Variants in FGF13 observed in about 807,000 individuals in gnomAD.
FGF13 encodes the protein fibroblast growth factor homologous factor 2.
A neutral mutation model predicts 19.5 loss-of-function variants in FGF13; 2 were observed. That is an observed-to-expected ratio of 0.10 (90% CI 0.04 to 0.32). The LOEUF (loss-of-function observed/expected upper bound fraction) is 0.32, where lower values mean the gene tolerates loss of function less well. Ranked by LOEUF, FGF13 falls within the 10% of genes least tolerant of loss-of-function variation. The probability of loss-of-function intolerance (pLI) is 1.00; values close to 1 mark genes in which losing one functional copy is unlikely to be tolerated. For missense variants in FGF13, 113 were observed against 192.7 expected (o/e 0.59, Z 2.45); for synonymous variants, 72 against 76.9 (o/e 0.94, Z 0.33).
rs550001786 is a variant in FGF13 at position 139,159,655 on chromosome X, C to CAAAAAAA, written c.-113+43754_-113+43760dup. Among the ~76,000 whole-genome samples the CAAAAAAA allele has an allele frequency of 7.6e-3, 392 of 51,608 alleles. 11 individuals are homozygous for CAAAAAAA. The highest frequency in any genetic ancestry group is 0.026 in the African/African-American group (346 of 13,249). The allele number at this position is 51,608 out of a possible 115,157, so 44.8% of individuals were successfully genotyped here. A position where few individuals can be genotyped will look rare whatever the true frequency, so the allele number is the denominator to read the frequency against. ...GAATATTTACCAAGCAAAGAGAAAG[C>CAAAAAAA]AAAAAAAAAAAAAAAAACAGTGTGG... On this transcript the variant is annotated intron_variant, in intron 1 of 2. Coordinates refer to the FGF13 transcript ENST00000421460.
intron 3 of FGF13, among the ~76,000 whole-genome samples, chrX:138,667,272 T>G (rs58774860): frequency 0.12 from 13,056 of 105,817 alleles, 620 homozygotes; most frequent in Middle Eastern, 0.18. Context: ...TGTATATATA[T>G]AGAGAGAGAG....
At chrX:138,777,635 C>A (rs1028179366) in intron 3 of FGF13, among the ~76,000 whole-genome samples, 1 of 111,883 alleles carries the variant, frequency 8.9e-6, no homozygotes, top group African/African-American at 3.3e-5. Context: ...CCTCAGGCAG[C>A]ACAAGCAAGG....
At chrX:138,858,122 C>T (rs1055269972) in intron 2 of FGF13, among the ~76,000 whole-genome samples, 4 of 111,862 alleles carry the variant, frequency 3.6e-5, no homozygotes, top group African/African-American at 1.3e-4. Flanking sequence ...TACTTCCAAG[C>T]AGTATACACG....
chrX:139,162,228 C>G (rs1391049856), intron 1 of FGF13, among the ~76,000 whole-genome samples: 2 of 111,775 alleles, frequency 1.8e-5, no homozygotes, highest in Non-Finnish European at 3.8e-5. Context: ...AGAACACAGC[C>G]TCAGAAATAA....
intron 3 of FGF13, among the ~76,000 whole-genome samples, chrX:138,772,897 C>G (rs1462795873): frequency 1.8e-5 from 2 of 110,572 alleles, no homozygotes; most frequent in African/African-American, 3.3e-5. Flanking sequence ...TTCATTGAGT[C>G]TTGCTGGCAT....
At chrX:138,653,384 TGAA>T (rs1381261446) in intron 3 of FGF13, among the ~76,000 whole-genome samples, 1 of 111,179 alleles carries the variant, frequency 9.0e-6, no homozygotes, top group Non-Finnish European at 1.9e-5. Context: ...GGAAGCATAG[TGAA>T]GGAGAAAGAA....
intron 1 of FGF13, among the ~76,000 whole-genome samples, chrX:139,068,584 C>T (rs1348295170): frequency 1.8e-5 from 2 of 110,475 alleles, no homozygotes; most frequent in Non-Finnish European, 3.8e-5. Flanking sequence ...GGCAGTATGG[C>T]CATTTTCACG....
chrX:139,128,839 T>A (rs2083737825), intron 1 of FGF13, among the ~76,000 whole-genome samples: 1 of 111,382 alleles, frequency 9.0e-6, no homozygotes, highest in African/African-American at 3.3e-5. Context: ...TAATGGAAAC[T>A]AGTAAATAAT....
intron 1 of FGF13, among the ~76,000 whole-genome samples, chrX:139,110,324 T>C (rs1446857102): frequency 9.1e-6 from 1 of 110,242 alleles, no homozygotes; most frequent in Non-Finnish European, 1.9e-5. Context: ...CACCCAAATG[T>C]CATCTTGAAT....
At position 138,632,296 on chromosome X, in the gene FGF13, A is replaced by G. The variant is rs1017371411; in HGVS notation, c.*554T>C. 18 of 112,351 alleles carry G rather than the reference A, an allele frequency of 1.6e-4. No homozygotes were observed. Among genetic ancestry groups the G allele is most frequent in the African/African-American group, 5.2e-4 (16 of 30,938 alleles). The allele number at this position is 112,351 out of a possible 1,213,427, so 9.3% of individuals were successfully genotyped here. On this transcript the variant is annotated 3_prime_UTR_variant, in exon 5 of 5. Transcript: ENST00000315930. ...GGTTGATTTGGATTAAGTGACGCAA[A>G]AAGTCAATAGAACCATTGAATTTCA...
intron 1 of FGF13, among the ~76,000 whole-genome samples, chrX:138,905,188 G>A (rs115069487): frequency 0.027 from 2,994 of 111,072 alleles, 104 homozygotes; most frequent in African/African-American, 0.093. Context: ...TGGAGTAGAC[G>A]GTCCTAGAGC....
chrX:138,731,163 T>G (rs1243613420), intron 1 of FGF13, among the ~76,000 whole-genome samples: 1 of 111,310 alleles, frequency 9.0e-6, no homozygotes, highest in Admixed American at 9.6e-5. Context: ...TTGACAGAAA[T>G]TGTATACAAA....
At chrX:138,839,519 G>T (rs2091135494) in intron 3 of FGF13, among the ~76,000 whole-genome samples, 1 of 111,580 alleles carries the variant, frequency 9.0e-6, no homozygotes, top group Admixed American at 9.6e-5. Flanking sequence ...ACAGAGATGA[G>T]CCGTGCTGTT....
At chrX:138,979,413 T>TA (rs1910199979) in intron 1 of FGF13, among the ~76,000 whole-genome samples, 1 of 110,635 alleles carries the variant, frequency 9.0e-6, no homozygotes, top group African/African-American at 3.3e-5. Flanking sequence ...CTTTTTTTTT[T>TA]TATATTATTA....
At chrX:138,937,325 AACAC>A (rs1231477294) in intron 1 of FGF13, among the ~76,000 whole-genome samples, 1 of 111,659 alleles carries the variant, frequency 9.0e-6, no homozygotes, top group Non-Finnish European at 1.9e-5. Flanking sequence ...AACTTATAAT[AACAC>A]ACACAGAAAT....
chrX:138,914,693 A>T (rs1458304870), intron 1 of FGF13, among the ~76,000 whole-genome samples: 1 of 107,595 alleles, frequency 9.3e-6, no homozygotes, highest in Non-Finnish European at 1.9e-5. Flanking sequence ...AAGGAAAAAT[A>T]ATCTTTTTTA....
chrX:138,788,318 G>C (rs907388821), intron 3 of FGF13, among the ~76,000 whole-genome samples: 1 of 111,987 alleles, frequency 8.9e-6, no homozygotes, highest in East Asian at 2.8e-4. Flanking sequence ...AATCCTTTTT[G>C]GCTTAATGCT....
At chrX:139,048,563 G>GTTTTTTTTT (rs754951194) in intron 1 of FGF13, among the ~76,000 whole-genome samples, 2 of 88,714 alleles carry the variant, frequency 2.3e-5, no homozygotes, top group African/African-American at 4.1e-5. Flanking sequence ...TACAGCTCTT[G>GTTTTTTTTT]TTTTTTTTTT....
At chrX:138,790,043 C>CAAAAAAAAA (rs764151731) in intron 3 of FGF13, among the ~76,000 whole-genome samples, 1 of 29,167 alleles carries the variant, frequency 3.4e-5, no homozygotes, top group African/African-American at 1.1e-4. Flanking sequence ...AGACTCCATT[C>CAAAAAAAAA]AAAAAAAAAA....
Sources: gnomAD v4.1 joint callset for allele counts (sites outside exome capture counted in the v4.1 genomes callset) on GRCh38, gnomAD v4.1.1 for gene constraint, MANE v1.5 for transcripts, NCBI Gene and HGNC (gene_info 2026-07-23, HGNC 2026-07-21) for gene names.